MREG: variants seen among roughly 807,000 people sequenced by gnomAD.
The protein encoded by MREG is dilute suppressor protein homolog.
MREG carries 31 observed loss-of-function variants against 28.5 expected under a neutral mutation model. The ratio of observed to expected loss-of-function variants is 1.09; its 90% CI spans 0.82 to 1.47. The LOEUF (loss-of-function observed/expected upper bound fraction) is 1.47. MREG is among the 40% of genes most tolerant of loss of function. MREG has a pLI of 0.00. For synonymous variants in MREG, 106 were observed against 95.2 expected, an observed-to-expected ratio of 1.11 and a Z score of -0.66; for missense variants, 256 against 257.4, an observed-to-expected ratio of 0.99 and a Z score of 0.04.
intron 1 of MREG, among the ~76,000 whole-genome samples, chr2:216,007,760 G>C (rs1293633973): frequency 1.4e-5 from 2 of 144,696 alleles, no homozygotes; most frequent in Non-Finnish European, 3.0e-5. Flanking sequence ...TTGCATTTTT[G>C]TACTTTTAGC....
At chr2:215,978,312 A>C (rs533377597) in intron 2 of MREG, among the ~76,000 whole-genome samples, 1 of 152,264 alleles carries the variant, frequency 6.6e-6, no homozygotes, top group African/African-American at 2.4e-5. Flanking sequence ...GGACACATAC[A>C]CCCTCCCAAG....
At chr2:215,951,410 T>C (rs1692481072) in intron 2 of MREG, among the ~76,000 whole-genome samples, 1 of 152,222 alleles carries the variant, frequency 6.6e-6, no homozygotes, top group Non-Finnish European at 1.5e-5. Context: ...CAGTTAAAAG[T>C]CAATTACATA....
downstream of MREG, among the ~76,000 whole-genome samples, chr2:215,942,360 G>A (rs920967583): frequency 3.3e-5 from 5 of 152,130 alleles, no homozygotes; most frequent in Non-Finnish European, 5.9e-5. Flanking sequence ...TGGTCCTGCC[G>A]AGCACACTGT....
chr2:215,957,071 T>G lies in MREG; in HGVS notation c.256-9958A>C, dbSNP rs534266655. On this transcript the variant is annotated intron_variant, in intron 2 of 4. Transcript: ENST00000263268. ...TGACACATTGAGCCACCATCCACAC[T>G]GCCTGTTAGAACAGGACGGGAGAGG... Among the ~76,000 whole-genome samples the G allele has an allele frequency of 3.6e-4, 54 of 152,060 alleles. 1 individual carries two copies. The South Asian group carries it at 0.011, about 30-fold the overall frequency.
intron 2 of MREG, among the ~76,000 whole-genome samples, chr2:215,987,475 G>A (rs1439314117): frequency 6.6e-6 from 1 of 151,862 alleles, no homozygotes; most frequent in Non-Finnish European, 1.5e-5. Flanking sequence ...TCAAACTCTG[G>A]ATCTCGTGAG....
intron 2 of MREG, among the ~76,000 whole-genome samples, chr2:215,956,505 A>C (rs1255195397): frequency 6.6e-6 from 1 of 152,110 alleles, no homozygotes; most frequent in Non-Finnish European, 1.5e-5. Flanking sequence ...AAATTTCTAG[A>C]AATTAAAAAT....
chr2:216,015,228 T>C (rs1379061402), upstream of MREG, among the ~76,000 whole-genome samples: 5 of 152,048 alleles, frequency 3.3e-5, no homozygotes, highest in Non-Finnish European at 7.4e-5. Flanking sequence ...AGGGGAGTGA[T>C]GCCTGCACTT....
At chr2:216,028,079 G>C (rs988566707) in intron 1 of MREG, among the ~76,000 whole-genome samples, 5 of 152,110 alleles carry the variant, frequency 3.3e-5, no homozygotes, top group African/African-American at 1.2e-4. Context: ...TTCCATACAA[G>C]AGTTTGGACT....
intron 1 of MREG, among the ~76,000 whole-genome samples, chr2:216,002,766 C>T (rs73072195): frequency 0.14 from 20,925 of 152,038 alleles, 2,593 homozygotes; most frequent in African/African-American, 0.33. Context: ...GCTTCCCTCC[C>T]CATTCTCCTT....
intron 1 of MREG, among the ~76,000 whole-genome samples, chr2:216,024,475 C>T (rs7576211): frequency 0.027 from 4,166 of 151,906 alleles, 149 homozygotes; most frequent in African/African-American, 0.085. Flanking sequence ...CGCCCCGTGC[C>T]CTCTCTTTTG....
chr2:215,969,050 C>T (rs1262594764), intron 2 of MREG, among the ~76,000 whole-genome samples: 2 of 152,198 alleles, frequency 1.3e-5, no homozygotes, highest in Non-Finnish European at 2.9e-5. Flanking sequence ...TGAGCCACTG[C>T]ACCTGGCATT....
At chr2:215,955,516 C>T (rs966727334) in intron 2 of MREG, among the ~76,000 whole-genome samples, 1 of 152,204 alleles carries the variant, frequency 6.6e-6, no homozygotes, top group Non-Finnish European at 1.5e-5. Flanking sequence ...AAATTAAATA[C>T]ATCTAAATCA....
At position 215,971,777 on chromosome 2, in the gene MREG, G is replaced by T. The variant is rs183486889; in HGVS notation, c.255+24529C>A. Among the ~76,000 whole-genome samples, 404 of 152,316 alleles carry T rather than the reference G, an allele frequency of 2.7e-3. 3 individuals carry two copies. The highest frequency in any genetic ancestry group is 9.0e-3 in the African/African-American group (373 of 41,570). On this transcript the variant is annotated intron_variant, in intron 2 of 4. Coordinates refer to ENST00000263268, the MANE Select transcript of MREG (RefSeq NM_018000.3). ...ACTGTAGCTGGGAGAAGAGTCCAAAGCAGCAGAGACAAAAGAGCAAGAAAA... is the reference window on the plus strand; with the variant it reads ...ACTGTAGCTGGGAGAAGAGTCCAAATCAGCAGAGACAAAAGAGCAAGAAAA...
intron 1 of MREG, among the ~76,000 whole-genome samples, chr2:215,997,039 C>G (rs1313721140): frequency 2.0e-5 from 3 of 152,160 alleles, no homozygotes; most frequent in African/African-American, 7.2e-5. Flanking sequence ...CCTTGGCCTC[C>G]CGAAGTGCTG....
At chr2:216,031,268 A>G (rs1694685123) in intron 1 of MREG, among the ~76,000 whole-genome samples, 1 of 151,838 alleles carries the variant, frequency 6.6e-6, no homozygotes, top group African/African-American at 2.4e-5. Context: ...TTAGCTGGGC[A>G]TGGTGGTGGG....
intron 1 of MREG, among the ~76,000 whole-genome samples, chr2:216,030,950 T>A (rs866432358): frequency 0.037 from 3,537 of 95,980 alleles, 52 homozygotes; most frequent in Non-Finnish European, 0.046. Flanking sequence ...TCTCTCTCTC[T>A]CTCTCTCACA....
intron 2 of MREG, among the ~76,000 whole-genome samples, chr2:215,957,692 C>T (rs1692662976): frequency 6.6e-6 from 1 of 152,052 alleles, no homozygotes; most frequent in Non-Finnish European, 1.5e-5. Context: ...GGAAGACTTA[C>T]CTAAGGTACC....
intron 2 of MREG, among the ~76,000 whole-genome samples, chr2:215,977,447 C>G (rs895356833): frequency 6.6e-6 from 1 of 152,174 alleles, no homozygotes; most frequent in Admixed American, 6.5e-5. Context: ...TTTAACACCC[C>G]ACTGTCGATA....
chr2:216,029,506 C>T (rs1307237252), intron 1 of MREG, among the ~76,000 whole-genome samples: 3 of 152,116 alleles, frequency 2.0e-5, no homozygotes, highest in African/African-American at 7.2e-5. Flanking sequence ...TGAGTTAGGA[C>T]GACAAAGGCA....
Sources: allele counts gnomAD v4.1 joint callset (sites outside exome capture counted in the v4.1 genomes callset), GRCh38; gene constraint gnomAD v4.1.1; transcripts MANE v1.5; gene names NCBI Gene and HGNC (gene_info 2026-07-23, HGNC 2026-07-21).